The following LGR6 variants were observed in gnomAD, a reference collection of about 807,000 sequenced individuals.
LGR6 encodes leucine rich repeat containing G protein-coupled receptor 6, also known as leucine-rich repeat-containing G protein-coupled receptor 6.
A neutral mutation model predicts 69.4 loss-of-function variants in LGR6; 45 were observed. The ratio of observed to expected loss-of-function variants is 0.65; its 90% CI spans 0.51 to 0.83. The LOEUF (loss-of-function observed/expected upper bound fraction) is 0.83. LGR6 is among the 40% of genes least tolerant of loss of function. The pLI is 0.00. For synonymous variants in LGR6, 538 were observed against 555.0 expected, an observed-to-expected ratio of 0.97 and a Z score of 0.43; for missense variants, 1,108 against 1,246.7, an observed-to-expected ratio of 0.89 and a Z score of 1.68.
intron 2 of LGR6, 92 bp from the exon 3 acceptor site, chr1:202,227,844 T>A: frequency 1.2e-6 from 1 of 839,824 alleles, no homozygotes. Context: ...ACCACCGCCC[T>A]CCCTTCCCGT....
intron 4 of LGR6, among the ~76,000 whole-genome samples, chr1:202,252,774 A>G (rs1173680015): frequency 6.6e-6 from 1 of 152,272 alleles, no homozygotes; most frequent in African/African-American, 2.4e-5. Flanking sequence ...AGCCCATGGC[A>G]GATGGGTATG....
intron 3 of LGR6, among the ~76,000 whole-genome samples, chr1:202,229,596 C>A (rs1366669009): frequency 6.6e-6 from 1 of 152,254 alleles, no homozygotes; most frequent in Non-Finnish European, 1.5e-5. Context: ...TCTTTGCCTG[C>A]ATTAGGCAAT....
chr1:202,257,495 A>G (rs1161828401), intron 4 of LGR6, among the ~76,000 whole-genome samples: 2 of 152,180 alleles, frequency 1.3e-5, no homozygotes, highest in Non-Finnish European at 2.9e-5. Context: ...CTAGAGGTCC[A>G]GCTACATTCT....
intron 4 of LGR6, among the ~76,000 whole-genome samples, chr1:202,261,181 C>T (rs1000727793): frequency 6.6e-6 from 1 of 151,658 alleles, no homozygotes; most frequent in Admixed American, 6.6e-5. Flanking sequence ...GTGCTACACC[C>T]ATTAACTTGT....
At chr1:202,277,386 G>A (rs1665654670) in intron 5 of LGR6, among the ~76,000 whole-genome samples, 1 of 152,110 alleles carries the variant, frequency 6.6e-6, no homozygotes, top group Non-Finnish European at 1.5e-5. Context: ...GGAGAACCAA[G>A]GTCAATATCC....
At position 202,318,673 on chromosome 1, in the gene LGR6, C is replaced by G; in HGVS notation, c.2370C>G (p.Ala790=). The G allele has an allele frequency of 6.2e-7, 1 of 1,613,796 alleles. No homozygotes were observed. Among genetic ancestry groups the G allele is most frequent in the South Asian group, 1.1e-5 (1 of 91,080 alleles). The change falls in exon 18 of 18, where the codon GCC becomes GCG. Residue 790 remains alanine, a synonymous_variant. Coordinates refer to ENST00000367278, the MANE Select transcript of LGR6 (RefSeq NM_001017403.2). The part of the protein sequence containing the change: ...FADGLLYCPV[A]FLSFASMLGL... ...ACGGGCTCCTCTACTGTCCCGTGGC[C>G]TTCCTCAGCTTTGCCTCCATGCTGG... is the stretch of plus-strand genomic sequence containing the variant.
chr1:202,231,974 C>G (rs922273468), intron 3 of LGR6, among the ~76,000 whole-genome samples: 9 of 152,102 alleles, frequency 5.9e-5, no homozygotes, highest in African/African-American at 1.9e-4. Flanking sequence ...CACCTGTAAT[C>G]CCAGCTACTT....
chr1:202,265,390 C>T (rs1664564440), intron 4 of LGR6, among the ~76,000 whole-genome samples: 1 of 152,194 alleles, frequency 6.6e-6, no homozygotes, highest in Admixed American at 6.5e-5. Context: ...GGGAGAGGCA[C>T]TGCTGGGATG....
chr1:202,219,671 A>G (rs2147936249), intron 1 of LGR6, among the ~76,000 whole-genome samples: 1 of 152,156 alleles, frequency 6.6e-6, no homozygotes, highest in South Asian at 2.1e-4. Flanking sequence ...AGAGTAATGC[A>G]CTCATTTGGA....
chr1:202,248,629 T>C (rs1015530639), intron 4 of LGR6, among the ~76,000 whole-genome samples: 6 of 152,032 alleles, frequency 3.9e-5, no homozygotes, highest in Non-Finnish European at 8.8e-5. Flanking sequence ...AGGCCCATGG[T>C]GTTTGGGGGG....
At chr1:202,282,655 A>G (rs1331189075) in intron 6 of LGR6, among the ~76,000 whole-genome samples, 2 of 152,118 alleles carry the variant, frequency 1.3e-5, no homozygotes, top group Non-Finnish European at 2.9e-5. Context: ...CTTTGCTGGG[A>G]AATCAGGTGG....
intron 1 of LGR6, among the ~76,000 whole-genome samples, chr1:202,209,417 G>T (rs1659378004): frequency 6.6e-6 from 1 of 152,174 alleles, no homozygotes; most frequent in African/African-American, 2.4e-5. Flanking sequence ...CTGGGCTGCA[G>T]CTAGTCCAGG....
At chr1:202,276,280 C>A in intron 4 of LGR6, 26 bp from the exon 5 acceptor site, 2 of 1,590,470 alleles carry the variant, frequency 1.3e-6, no homozygotes, top group Non-Finnish European at 1.7e-6. Flanking sequence ...CCTGGATTGA[C>A]CCCTCTCCAT....
chr1:202,200,116 C>A (rs1212826202), intron 1 of LGR6, among the ~76,000 whole-genome samples: 1 of 152,292 alleles, frequency 6.6e-6, no homozygotes, highest in South Asian at 2.1e-4. Context: ...GGAAACAGGC[C>A]TTTCAAGCAG....
intron 4 of LGR6, among the ~76,000 whole-genome samples, chr1:202,253,439 A>AGCC (rs1663445319): frequency 6.6e-6 from 1 of 150,598 alleles, no homozygotes; most frequent in Non-Finnish European, 1.5e-5. Context: ...AGTAGCTGGG[A>AGCC]TCACAGGTGC....
chr1:202,214,019 A>G (rs1223663783), intron 1 of LGR6: 5 of 1,328,572 alleles, frequency 3.8e-6, no homozygotes, highest in Non-Finnish European at 3.8e-6. Flanking sequence ...TTCGGGAGTT[A>G]GGGAAGAGGG....
chr1:202,308,111 G>A (rs1006443042), intron 14 of LGR6, among the ~76,000 whole-genome samples: 2 of 152,174 alleles, frequency 1.3e-5, no homozygotes, highest in Non-Finnish European at 2.9e-5. Flanking sequence ...TGGCCTCAGA[G>A]ACCATCCAGC....
chr1:202,214,162 T>G, intron 1 of LGR6: 2 of 1,518,030 alleles, frequency 1.3e-6, no homozygotes, highest in Non-Finnish European at 1.8e-6. Context: ...GGAATGCGCT[T>G]GGAGGGAGAG....
At chr1:202,247,592 T>C (rs1309114360) in intron 4 of LGR6, among the ~76,000 whole-genome samples, 1 of 152,112 alleles carries the variant, frequency 6.6e-6, no homozygotes, top group East Asian at 1.9e-4. Context: ...TTGGAGGCAG[T>C]GAAAGGTACT....
Sources: allele counts gnomAD v4.1 joint callset (sites outside exome capture counted in the v4.1 genomes callset), GRCh38; gene constraint gnomAD v4.1.1; transcripts MANE v1.5; gene names NCBI Gene and HGNC (gene_info 2026-07-23, HGNC 2026-07-21).